Variants in SEMA5A observed in about 807,000 individuals in gnomAD.
The protein encoded by SEMA5A is semaphorin 5A, also known as semaphorin-5A.
In SEMA5A, 55 loss-of-function variants were observed where a neutral mutation model predicts 135.5. The ratio of observed to expected loss-of-function variants is 0.41; its 90% CI spans 0.33 to 0.51. The LOEUF is 0.51. Among genes scored for constraint, SEMA5A ranks in the 20% least tolerant of loss-of-function variants. The pLI is 0.37. For synonymous variants in SEMA5A, 580 were observed against 546.5 expected (o/e 1.06, Z -0.85); for missense variants, 1,290 against 1,419.9 (o/e 0.91, Z 1.47).
chr5:9,313,639 T>C (rs1752242751), intron 5 of SEMA5A, among the ~76,000 whole-genome samples: 1 of 152,216 alleles, frequency 6.6e-6, no homozygotes, highest in Middle Eastern at 3.4e-3. Context: ...AATTTCAACA[T>C]GAAACAATAA....
At chr5:9,449,706 G>A (rs1031349632) in intron 1 of SEMA5A, among the ~76,000 whole-genome samples, 2 of 152,100 alleles carry the variant, frequency 1.3e-5, no homozygotes, top group African/African-American at 4.8e-5. Flanking sequence ...ACCCAAAAAT[G>A]CAGGGGAAAT....
At chr5:9,060,038 C>T (rs1350580949) in intron 18 of SEMA5A, among the ~76,000 whole-genome samples, 1 of 152,100 alleles carries the variant, frequency 6.6e-6, no homozygotes, top group East Asian at 1.9e-4. Context: ...AGCATTCACA[C>T]CCCTAGCACT....
At chr5:9,367,213 C>T (rs1202823532) in intron 3 of SEMA5A, 1 of 152,214 alleles carries the variant, frequency 6.6e-6, no homozygotes, top group Admixed American at 6.5e-5. Flanking sequence ...TTTCAATCCT[C>T]AACAGCTACA....
At chr5:9,067,653 A>C (rs1157317475) in intron 16 of SEMA5A, among the ~76,000 whole-genome samples, 1 of 152,224 alleles carries the variant, frequency 6.6e-6, no homozygotes, top group East Asian at 1.9e-4. Context: ...TTTGATACTT[A>C]TCTCCATAGA....
intron 8 of SEMA5A, 70 bp downstream of exon 8, chr5:9,224,603 GC>G: frequency 7.4e-7 from 1 of 1,349,646 alleles, no homozygotes; most frequent in Non-Finnish European, 1.1e-6. Context: ...GTTGTAGTTT[GC>G]TTTTGAGCAC....
intron 1 of SEMA5A, among the ~76,000 whole-genome samples, chr5:9,503,819 A>G (rs1735715154): frequency 6.6e-6 from 1 of 152,234 alleles, no homozygotes; most frequent in South Asian, 2.1e-4. Flanking sequence ...AAACCCAAAG[A>G]TTTGGCATCA....
At chr5:9,469,258 C>T (rs1337977327) in intron 1 of SEMA5A, among the ~76,000 whole-genome samples, 4 of 152,282 alleles carry the variant, frequency 2.6e-5, no homozygotes, top group East Asian at 1.9e-4. Context: ...CCACCTGCCT[C>T]GGCCTCCCAA....
At chr5:9,145,935 G>A (rs1742311221) in intron 12 of SEMA5A, among the ~76,000 whole-genome samples, 2 of 151,936 alleles carry the variant, frequency 1.3e-5, no homozygotes, top group African/African-American at 2.4e-5. Flanking sequence ...GTGAGCCACT[G>A]CACCTGGCCA....
intron 16 of SEMA5A, among the ~76,000 whole-genome samples, chr5:9,107,495 G>A (rs1012642411): frequency 2.6e-5 from 4 of 152,104 alleles, no homozygotes; most frequent in African/African-American, 9.7e-5. Flanking sequence ...ATACCTTGGT[G>A]TAGGCCTGAT....
At position 9,542,024 on chromosome 5, in the gene SEMA5A, T is replaced by C. The variant is rs145554785; in HGVS notation, c.-175+3560A>G. 2.0e-3 allele frequency among the ~76,000 whole-genome samples: 309 copies of C among 152,376 alleles called. 2 individuals carry two copies. The highest frequency in any genetic ancestry group is 7.2e-3 in the African/African-American group (299 of 41,596). On this transcript the variant is annotated intron_variant, in intron 1 of 22. Coordinates refer to ENST00000382496, the MANE Select transcript of SEMA5A (RefSeq NM_003966.3). ...CAAGTTTTGAGCAGGTTCATTTATATTGAAAAGTTTATGTATATTCTAGCT... is the reference window on the plus strand; with the variant it reads ...CAAGTTTTGAGCAGGTTCATTTATACTGAAAAGTTTATGTATATTCTAGCT...
chr5:9,276,523 C>G (rs1174958229), intron 5 of SEMA5A, among the ~76,000 whole-genome samples: 2 of 152,104 alleles, frequency 1.3e-5, no homozygotes, highest in Non-Finnish European at 2.9e-5. Context: ...GCAAAAAGAA[C>G]AAAGCTGGAG....
At chr5:9,318,517 T>A in intron 4 of SEMA5A, 100 bp from the exon 5 acceptor site, 2 of 940,412 alleles carry the variant, frequency 2.1e-6, no homozygotes, top group Admixed American at 2.3e-5. Context: ...AATTTTGACT[T>A]CAAAAGCATC....
At chr5:9,208,720 C>T (rs2150382622) in intron 8 of SEMA5A, among the ~76,000 whole-genome samples, 1 of 152,246 alleles carries the variant, frequency 6.6e-6, no homozygotes, top group East Asian at 1.9e-4. Flanking sequence ...GGTGGAAAGC[C>T]AGGCAAAGCC....
intron 12 of SEMA5A, among the ~76,000 whole-genome samples, chr5:9,151,969 T>A (rs909422736): frequency 2.0e-5 from 3 of 152,248 alleles, no homozygotes; most frequent in Admixed American, 2.0e-4. Context: ...CACCAGCTCC[T>A]GTGGATCCAC....
At chr5:9,160,669 C>T (rs1421277360) in intron 11 of SEMA5A, among the ~76,000 whole-genome samples, 1 of 151,866 alleles carries the variant, frequency 6.6e-6, no homozygotes, top group African/African-American at 2.4e-5. Flanking sequence ...TGCTGGTGAC[C>T]AATGCAGTCA....
chr5:9,252,033 TGC>T (rs1431397967), intron 5 of SEMA5A, among the ~76,000 whole-genome samples: 1 of 152,194 alleles, frequency 6.6e-6, no homozygotes, highest in Non-Finnish European at 1.5e-5. Context: ...TTAACCCACG[TGC>T]GATGGACTCT....
At chr5:9,047,979 AACTGC>A (rs1383337711) in intron 21 of SEMA5A, among the ~76,000 whole-genome samples, 1 of 152,138 alleles carries the variant, frequency 6.6e-6, no homozygotes, top group African/African-American at 2.4e-5. Flanking sequence ...GAGGAAAGTG[AACTGC>A]ACACGTCTGG....
At chr5:9,325,849 C>T (rs1340079613) in intron 4 of SEMA5A, among the ~76,000 whole-genome samples, 3 of 152,104 alleles carry the variant, frequency 2.0e-5, no homozygotes, top group East Asian at 3.9e-4. Context: ...TCCTATTGAA[C>T]GTATGAGTTA....
chr5:9,273,714 C>G (rs924992128), intron 5 of SEMA5A, among the ~76,000 whole-genome samples: 5 of 152,152 alleles, frequency 3.3e-5, no homozygotes, highest in African/African-American at 1.2e-4. Context: ...AATTTTCAAC[C>G]CAGAATTTCA....
Sources: allele counts gnomAD v4.1 joint callset (sites outside exome capture counted in the v4.1 genomes callset), GRCh38; gene constraint gnomAD v4.1.1; transcripts MANE v1.5; gene names NCBI Gene and HGNC (gene_info 2026-07-23, HGNC 2026-07-21).